The following GBE1 variants were observed in gnomAD, a reference collection of about 807,000 sequenced individuals.
GBE1 encodes the protein 1,4-alpha-glucan-branching enzyme.
In GBE1, 70 loss-of-function variants were observed where a neutral mutation model predicts 88.8. The ratio of observed to expected loss-of-function variants is 0.79; its 90% CI spans 0.65 to 0.96. GBE1 has a LOEUF of 0.96. GBE1 is among the 40% of genes least tolerant of loss of function. The probability of loss-of-function intolerance (pLI) is 0.00; values close to 1 mark genes in which losing one functional copy is unlikely to be tolerated. For synonymous variants in GBE1, 284 were observed against 300.1 expected, an observed-to-expected ratio of 0.95 and a Z score of 0.56; for missense variants, 872 against 871.0, an observed-to-expected ratio of 1.00 and a Z score of -0.01.
intron 12 of GBE1, among the ~76,000 whole-genome samples, chr3:81,552,110 T>A (rs751950232): frequency 2.0e-5 from 3 of 152,230 alleles, no homozygotes; most frequent in Non-Finnish European, 4.4e-5. Flanking sequence ...GCCAAACCCA[T>A]CAATCCTTTG....
At chr3:81,753,328 A>G (rs1357289416) in intron 1 of GBE1, among the ~76,000 whole-genome samples, 1 of 152,200 alleles carries the variant, frequency 6.6e-6, no homozygotes, top group African/African-American at 2.4e-5. Context: ...TCATATTGCC[A>G]TAAGAAGAAA....
intron 2 of GBE1, among the ~76,000 whole-genome samples, chr3:81,683,958 TA>T (rs1223552799): frequency 6.6e-6 from 1 of 152,146 alleles, no homozygotes; most frequent in Non-Finnish European, 1.5e-5. Context: ...CTTATTATGA[TA>T]GAAATAACAA....
At chr3:81,532,279 G>C (rs925936567) in intron 14 of GBE1, among the ~76,000 whole-genome samples, 1 of 151,908 alleles carries the variant, frequency 6.6e-6, no homozygotes, top group Non-Finnish European at 1.5e-5. Context: ...ACAATGGCTG[G>C]AGAGTTCTAT....
chr3:81,694,218 A>C (rs1453022507), intron 2 of GBE1, among the ~76,000 whole-genome samples: 1 of 152,088 alleles, frequency 6.6e-6, no homozygotes, highest in Non-Finnish European at 1.5e-5. Flanking sequence ...GAACGAAGAA[A>C]CTGAAAGAGA....
At chr3:81,567,903 C>T (rs140431901) in intron 12 of GBE1, among the ~76,000 whole-genome samples, 319 of 152,252 alleles carry the variant, frequency 2.1e-3, no homozygotes, top group African/African-American at 7.4e-3. Flanking sequence ...AGTTATAATG[C>T]AATGTCCACT....
chr3:81,700,635 A>G (rs1705673934), intron 2 of GBE1, among the ~76,000 whole-genome samples: 1 of 152,138 alleles, frequency 6.6e-6, no homozygotes, highest in Non-Finnish European at 1.5e-5. Flanking sequence ...ACGGTTTCAG[A>G]GCACGTGGGA....
At chr3:81,679,915 A>T (rs956384819) in intron 2 of GBE1, among the ~76,000 whole-genome samples, 5 of 152,178 alleles carry the variant, frequency 3.3e-5, no homozygotes, top group Non-Finnish European at 7.3e-5. Flanking sequence ...GAGAACTCCA[A>T]CACTAAAACT....
chr3:81,501,950 C>T (rs994168035), intron 14 of GBE1, among the ~76,000 whole-genome samples: 19 of 150,342 alleles, frequency 1.3e-4, no homozygotes, highest in Middle Eastern at 3.2e-3. Flanking sequence ...CTGCCCACCT[C>T]GGCCTCTTAA....
intron 8 of GBE1, among the ~76,000 whole-genome samples, chr3:81,592,226 A>G (rs990246442): frequency 2.6e-5 from 4 of 152,116 alleles, no homozygotes; most frequent in African/African-American, 9.7e-5. Flanking sequence ...CTATAGTTAC[A>G]TTAGATTCCG....
chr3:81,545,614 A>ATGTGTG (rs3083686), intron 12 of GBE1, among the ~76,000 whole-genome samples: 4,203 of 149,718 alleles, frequency 0.028, 112 homozygotes, highest in African/African-American at 0.06. Context: ...TATCAAGCAT[A>ATGTGTG]TGTGTGTGTG....
At chr3:81,670,105 GA>G (rs1705169158) in intron 3 of GBE1, among the ~76,000 whole-genome samples, 1 of 152,222 alleles carries the variant, frequency 6.6e-6, no homozygotes, top group African/African-American at 2.4e-5. Flanking sequence ...AAGTAAGTGT[GA>G]AAAGATTTAG....
chr3:81,535,125 T>A, intron 14 of GBE1, 70 bp downstream of exon 14: 1 of 1,329,472 alleles, frequency 7.5e-7, no homozygotes, highest in Non-Finnish European at 1.0e-6. Context: ...GTCTTTTTTT[T>A]TTTTTTGTCC....
At chr3:81,523,558 C>T (rs905206180) in intron 14 of GBE1, among the ~76,000 whole-genome samples, 1 of 151,598 alleles carries the variant, frequency 6.6e-6, no homozygotes, top group African/African-American at 2.4e-5. Flanking sequence ...TGCAGTCACC[C>T]TGTTGTGCTA....
chr3:81,633,811 T>G (rs891562175), intron 7 of GBE1, among the ~76,000 whole-genome samples: 4 of 152,192 alleles, frequency 2.6e-5, no homozygotes, highest in Non-Finnish European at 4.4e-5. Flanking sequence ...TGGTAGAATC[T>G]GATTTGTTGC....
chr3:81,663,327 G>A (rs571706206), intron 3 of GBE1, among the ~76,000 whole-genome samples: 2 of 152,184 alleles, frequency 1.3e-5, no homozygotes, highest in Admixed American at 6.5e-5. Context: ...CCACATCAGC[G>A]TAAGCAGCTG....
intron 2 of GBE1, among the ~76,000 whole-genome samples, chr3:81,695,521 G>A (rs138250215): frequency 1.3e-5 from 2 of 152,156 alleles, no homozygotes; most frequent in Non-Finnish European, 2.9e-5. Flanking sequence ...ACTACTAACA[G>A]GTATGAGGTT....
chr3:81,565,366 A>C (rs534695501), intron 12 of GBE1, among the ~76,000 whole-genome samples: 26 of 152,312 alleles, frequency 1.7e-4, no homozygotes, highest in African/African-American at 6.0e-4. Context: ...AGCGCTTAGC[A>C]GGAAGACATT....
chr3:81,617,019 T>C (rs1225357715), intron 7 of GBE1, among the ~76,000 whole-genome samples: 2 of 151,828 alleles, frequency 1.3e-5, no homozygotes, highest in East Asian at 1.9e-4. Flanking sequence ...TAGTATATTT[T>C]TTAATTTTAA....
At chr3:81,651,178 T>C (rs879548757) in intron 3 of GBE1, among the ~76,000 whole-genome samples, 27 of 152,334 alleles carry the variant, frequency 1.8e-4, no homozygotes, top group Middle Eastern at 3.4e-3. Context: ...TTATAGTTTA[T>C]AAAGACTTTT....
Sources: allele counts gnomAD v4.1 joint callset (sites outside exome capture counted in the v4.1 genomes callset), GRCh38; gene constraint gnomAD v4.1.1; transcripts MANE v1.5; gene names NCBI Gene and HGNC (gene_info 2026-07-23, HGNC 2026-07-21).